Variants in RLN1 observed in about 807,000 individuals in gnomAD.
The protein encoded by RLN1 is prorelaxin H1.
A neutral mutation model predicts 7.2 loss-of-function variants in RLN1; 4 were observed. The ratio of observed to expected loss-of-function variants is 0.56; its 90% CI spans 0.28 to 1.28. The LOEUF (loss-of-function observed/expected upper bound fraction) is 1.28. RLN1 is among the 50% of genes most tolerant of loss of function. The probability of loss-of-function intolerance (pLI) is 0.11; values close to 1 mark genes in which losing one functional copy is unlikely to be tolerated. For synonymous variants in RLN1, 105 were observed against 86.0 expected, an observed-to-expected ratio of 1.22 and a Z score of -1.22; for missense variants, 293 against 221.1, an observed-to-expected ratio of 1.32 and a Z score of -2.06.
rs867025044 is a variant in RLN1 at position 5,335,198 on chromosome 9, G to C, written c.*53C>G. On this transcript the variant is annotated 3_prime_UTR_variant, in exon 2 of 2. Coordinates refer to ENST00000223862, the MANE Select transcript of RLN1 (RefSeq NM_006911.4). ...GACCTGACAGAAGCATCAGTGAAAT[G>C]TCATCAAGACTATGTGTGAAAATTA... The C allele has an allele frequency of 2.0e-5, 22 of 1,080,418 alleles. No individual in the cohort carries two copies. The Middle Eastern group carries it at 2.7e-3, about 134-fold the overall frequency. 66.9% of individuals were successfully genotyped at this position (1,080,418 alleles called of 1,614,324 possible). A position where few individuals can be genotyped will look rare whatever the true frequency, so the allele number is the denominator to read the frequency against.
chr9:5,335,212 G>A lies in RLN1; in HGVS notation c.*39C>T. ...ATCAGTGAAATGTCATCAAGACTAT[G>A]TGTGAAAATTAGACAAGATGTGCAC... On this transcript the variant is annotated 3_prime_UTR_variant, in exon 2 of 2. Transcript: ENST00000223862. 8.0e-7 allele frequency: 1 copy of A among 1,252,156 alleles called. No homozygotes were observed. The highest frequency in any genetic ancestry group is 1.1e-6 in the Non-Finnish European group (1 of 890,518). 77.6% of individuals were successfully genotyped at this position (1,252,156 alleles called of 1,614,324 possible).
At position 5,335,177 on chromosome 9, in the gene RLN1, T is replaced by G; in HGVS notation, c.*74A>C. Reference sequence around the variant, plus strand: ...TTATATTCTAATAATTAGTGGGACCTGACAGAAGCATCAGTGAAATGTCAT... The same window carrying G: ...TTATATTCTAATAATTAGTGGGACCGGACAGAAGCATCAGTGAAATGTCAT... On this transcript the variant is annotated 3_prime_UTR_variant, in exon 2 of 2. Coordinates refer to ENST00000223862, the MANE Select transcript of RLN1 (RefSeq NM_006911.4). The G allele has an allele frequency of 1.2e-6, 1 of 841,736 alleles. No homozygotes were observed. The highest frequency in any genetic ancestry group is 1.8e-6 in the Non-Finnish European group (1 of 546,972). The allele number at this position is 841,736 out of a possible 1,614,324, so 52.1% of individuals were successfully genotyped here.
intron 1 of RLN1, among the ~76,000 whole-genome samples, chr9:5,336,046 T>C (rs754805122): frequency 2.0e-5 from 3 of 152,062 alleles, no homozygotes; most frequent in Non-Finnish European, 4.4e-5. Flanking sequence ...GAAAAAGATA[T>C]TATTTTAAGC....
At chr9:5,340,063 C>T (rs75885289), upstream of RLN1, among the ~76,000 whole-genome samples, 668 of 152,276 alleles carry the variant, frequency 4.4e-3, 8 homozygotes, top group Non-Finnish European at 4.1e-3. Context: ...CCTGAAACAA[C>T]TTTGTATACT....
At chr9:5,339,877 CT>C, upstream of RLN1, 1 of 870,452 alleles carries the variant, frequency 1.1e-6, no homozygotes, top group Non-Finnish European at 1.8e-6. Context: ...CTCAACCAGT[CT>C]TTAGTATGGG....
At position 5,339,590 on chromosome 9, in the gene RLN1, T is replaced by C. The variant is rs1366173297; in HGVS notation, c.157A>G (p.Ser53Gly). 6.2e-7 allele frequency: 1 copy of C among 1,610,632 alleles called. No individual in the cohort carries two copies. The highest frequency in any genetic ancestry group is 1.7e-5 in the Admixed American group (1 of 59,786). Residue 53 changes from serine (S) to glycine (G), a missense_variant, in exon 1 of 2, where the codon AGC becomes GGC. Physicochemically the swap from Ser to Gly is moderately conservative, Grantham distance 56. Transcript: ENST00000223862. ...QIAICGMSTWSKRSLSQEDAP... is the reference protein window; with the variant it reads ...QIAICGMSTWGKRSLSQEDAP... ...TCTTCCTGGCTCAGAGACCTTTTGC[T>C]CCAGGTGCTCATGCCGCAAATGGCA...
intron 1 of RLN1, among the ~76,000 whole-genome samples, chr9:5,336,151 A>C (rs1816887361): frequency 6.6e-6 from 1 of 151,952 alleles, no homozygotes; most frequent in Non-Finnish European, 1.5e-5. Flanking sequence ...GGAGAAGGAA[A>C]TCTCTGATGT....
At chr9:5,337,377 C>A (rs1816918432) in intron 1 of RLN1, among the ~76,000 whole-genome samples, 1 of 151,998 alleles carries the variant, frequency 6.6e-6, no homozygotes, top group Non-Finnish European at 1.5e-5. Flanking sequence ...TGAAATATTT[C>A]ATAATCCATA....
rs192490615 is a variant in RLN1, at chr9:5,339,874, A to C, written c.-128T>G. 2.2e-6 allele frequency: 2 copies of C among 906,636 alleles called. No homozygotes were observed. The highest frequency in any genetic ancestry group is 3.4e-5 in the African/African-American group (2 of 58,256). 56.2% of individuals were successfully genotyped at this position (906,636 alleles called of 1,614,324 possible). A position where few individuals can be genotyped will look rare whatever the true frequency, so the allele number is the denominator to read the frequency against. ...GCTGCTTTCCCTACCCGGCTCAACC[A>C]GTCTTTAGTATGGGCTATCACTCAG... is the stretch of plus-strand genomic sequence containing the variant. On this transcript the variant is annotated 5_prime_UTR_variant, in exon 1 of 2. Transcript: ENST00000223862.
At position 5,339,709 on chromosome 9, in the gene RLN1, C is replaced by G. The variant is rs749276499; in HGVS notation, c.38G>C (p.Cys13Ser). 9.3e-6 allele frequency: 15 copies of G among 1,613,316 alleles called. No homozygotes were observed. In the South Asian group the frequency reaches 1.6e-4, roughly 18 times the overall value. ...RLFLFHLLEF[C>S]LLLNQFSRAV... ...TCTGGAAAATTGGTTCAGTAGTAAA[C>G]AGAATTCTAGCAGGTGGAACAAGAA... Residue 13 changes from cysteine to serine, a missense_variant, in exon 1 of 2, where the codon TGT becomes TCT. By Grantham distance (112) the Cys-to-Ser change is moderately radical (BLOSUM62 -1). Coordinates refer to ENST00000223862, the MANE Select transcript of RLN1 (RefSeq NM_006911.4).
chr9:5,335,620 G>T, intron 1 of RLN1, 23 bp from the exon 2 acceptor site: 2 of 1,478,892 alleles, frequency 1.4e-6, no homozygotes, highest in Middle Eastern at 1.8e-4. Flanking sequence ...AAAAAAAAGT[G>T]TATGTGAAGG....
Position 5,337,704 on chromosome 9 carries a change from TA to T in RLN1, c.211+1831del, listed in dbSNP as rs1369903249. ...ACCTAGTAACGGTAAACATTTATCT[TA>T]ATCCCACGTGCAGGCAATATTTTCT... On this transcript the variant is annotated intron_variant, in intron 1 of 1. Coordinates refer to ENST00000223862, the MANE Select transcript of RLN1 (RefSeq NM_006911.4). 1.1e-4 allele frequency among the ~76,000 whole-genome samples: 17 copies of T among 152,162 alleles called. 1 individual carries two copies. The East Asian group carries it at 2.3e-3, about 21-fold the overall frequency.
intron 1 of RLN1, among the ~76,000 whole-genome samples, chr9:5,337,501 T>G (rs1055217776): frequency 4.6e-5 from 7 of 152,052 alleles, no homozygotes; most frequent in Non-Finnish European, 8.8e-5. Context: ...ATCTCTGGTT[T>G]AAAGCGGATC....
intron 1 of RLN1, among the ~76,000 whole-genome samples, chr9:5,337,306 C>A (rs1459783830): frequency 6.6e-6 from 1 of 152,018 alleles, no homozygotes. Context: ...AGATTGTATT[C>A]AGTTTATTCA....
At chr9:5,339,325 C>T in intron 1 of RLN1, 1 of 454,634 alleles carries the variant, frequency 2.2e-6, no homozygotes, top group Non-Finnish European at 3.7e-6. Context: ...TCCCTCCGTC[C>T]GGTGAGATTC....
Position 5,335,498 on chromosome 9 carries a change from T to C in RLN1, c.311A>G (p.Glu104Gly). Residue 104 changes from glutamate to glycine, a missense_variant, in exon 2 of 2, where the codon GAG (glutamate) becomes GGG (glycine). Transcript: ENST00000223862. ...TAGCTCTGGTAATGATGGTTGCCTC[T>C]CAGATAGGGCTGCCTTCAGCTCCGG... ...LPPELKAALS[E>G]RQPSLPELQQ... 1 of 1,613,272 alleles carries C rather than the reference T, an allele frequency of 6.2e-7. No individual in the cohort carries two copies. Among genetic ancestry groups the C allele is most frequent in the Non-Finnish European group, 8.5e-7 (1 of 1,179,378 alleles).
At chr9:5,337,756 T>A (rs1816928061) in intron 1 of RLN1, among the ~76,000 whole-genome samples, 1 of 152,086 alleles carries the variant, frequency 6.6e-6, no homozygotes, top group African/African-American at 2.4e-5. Context: ...TAAATTATAC[T>A]GCATAGCAAT....
rs371226715 is a variant in RLN1 at position 5,335,469 on chromosome 9, G to C, written c.340C>G (p.Gln114Glu). 6.2e-7 allele frequency: 1 copy of C among 1,613,356 alleles called. No individual in the cohort carries two copies. The highest frequency in any genetic ancestry group is 8.5e-7 in the Non-Finnish European group (1 of 1,179,576). Residue 114 changes from glutamine to glutamate, a missense_variant, in exon 2 of 2, where the codon CAG becomes GAG. Coordinates refer to ENST00000223862, the MANE Select transcript of RLN1 (RefSeq NM_006911.4). ...GAATCCTTTAATGCAGGTACATACT[G>C]CTGTAGCTCTGGTAATGATGGTTGC... ...ERQPSLPELQQYVPALKDSNL... is the reference protein window; with the variant it reads ...ERQPSLPELQEYVPALKDSNL...
intron 1 of RLN1, 53 bp from the exon 2 acceptor site, chr9:5,335,650 A>C: frequency 8.9e-7 from 1 of 1,128,048 alleles, no homozygotes; most frequent in Non-Finnish European, 1.3e-6. Context: ...GTCAAAGAGC[A>C]TTCAGAAAAA....
Sources: gnomAD v4.1 joint callset for allele counts (sites outside exome capture counted in the v4.1 genomes callset) on GRCh38, gnomAD v4.1.1 for gene constraint, MANE v1.5 for transcripts, NCBI Gene and HGNC (gene_info 2026-07-23, HGNC 2026-07-21) for gene names.